Variants in TRAPPC3 observed in about 807,000 individuals in gnomAD.
TRAPPC3 encodes the protein trafficking protein particle complex 3.
Under a neutral mutation model 18.2 loss-of-function variants are expected in TRAPPC3, and 5 were observed. The ratio of observed to expected loss-of-function variants is 0.28; its 90% CI spans 0.14 to 0.58. TRAPPC3 has a LOEUF of 0.58. TRAPPC3 is among the 20% of genes least tolerant of loss of function. The probability of loss-of-function intolerance (pLI) is 0.91; values close to 1 mark genes in which losing one functional copy is unlikely to be tolerated. For synonymous variants in TRAPPC3, 65 were observed against 84.2 expected (o/e 0.77, Z 1.25); for missense variants, 176 against 225.9 (o/e 0.78, Z 1.41).
intron 1 of TRAPPC3, among the ~76,000 whole-genome samples, chr1:36,143,506 C>T (rs180906095): frequency 2.4e-4 from 37 of 152,204 alleles, no homozygotes; most frequent in African/African-American, 8.7e-4. Flanking sequence ...GTCTGAAGAC[C>T]TGGGTTTTCA....
chr1:36,142,725 T>A (rs1356103499), intron 1 of TRAPPC3, among the ~76,000 whole-genome samples: 2 of 152,188 alleles, frequency 1.3e-5, no homozygotes, highest in Non-Finnish European at 2.9e-5. Context: ...TAAAGGCCTT[T>A]ATGCTTTAAA....
chr1:36,137,325 G>A lies in TRAPPC3; in HGVS notation c.424-3C>T, dbSNP rs1391232007. The A allele has an allele frequency of 6.2e-7, 1 of 1,607,444 alleles. No individual in the cohort carries two copies. The highest frequency in any genetic ancestry group is 1.3e-5 in the African/African-American group (1 of 74,922). ...TTGGCCTCCACAGCCATCTGGACCT[G>A]GGGGACAGTGGGAAAACGAAGGGGT... On this transcript the variant is annotated splice_polypyrimidine_tract_variant and splice_region_variant and intron_variant, in intron 4 of 4. Transcript: ENST00000373166.
intron 1 of TRAPPC3, among the ~76,000 whole-genome samples, chr1:36,147,479 C>CAA (rs11355573): frequency 2.2e-5 from 3 of 137,732 alleles, no homozygotes; most frequent in Admixed American, 7.3e-5. Flanking sequence ...CCTAGCTCTA[C>CAA]AAAAAAAAAA....
At chr1:36,144,252 C>G (rs902095386) in intron 1 of TRAPPC3, among the ~76,000 whole-genome samples, 19 of 122,152 alleles carry the variant, frequency 1.6e-4, no homozygotes, top group African/African-American at 5.9e-4. Flanking sequence ...CATGCCACCG[C>G]ACTCCAGGCT....
chr1:36,152,295 C>CTTT (rs11364641), upstream of TRAPPC3, among the ~76,000 whole-genome samples: 5 of 135,590 alleles, frequency 3.7e-5, no homozygotes, highest in Non-Finnish European at 8.0e-5. Flanking sequence ...ATTTCTTTTT[C>CTTT]TTTTTTTTTT....
At chr1:36,153,385 C>A (rs1644285539), upstream of TRAPPC3, among the ~76,000 whole-genome samples, 1 of 152,146 alleles carries the variant, frequency 6.6e-6, no homozygotes, top group Admixed American at 6.5e-5. Flanking sequence ...GCTCTCCAGG[C>A]CCCTCCTCAG....
rs80301494 is a variant in TRAPPC3 at position 36,154,953 on chromosome 1, C to T, written c.-97+930G>A. 0.016 allele frequency among the ~76,000 whole-genome samples: 2,399 copies of T among 152,242 alleles called. 146 individuals carry two copies. The East Asian group carries it at 0.21, about 14-fold the overall frequency. On this transcript the variant is annotated intron_variant, in intron 1 of 4. Coordinates refer to the TRAPPC3 transcript ENST00000617904. ...TCCAAGCCCCCAGATACGCACACAT[C>T]CCAGGACAGGCTGCTCCCAGGTTGC...
intron 1 of TRAPPC3, chr1:36,149,038 G>A (rs1201122679): frequency 1.5e-6 from 2 of 1,310,220 alleles, no homozygotes; most frequent in African/African-American, 1.6e-5. Context: ...GCGTGGCCCG[G>A]TGCCCAACAC....
intron 1 of TRAPPC3, among the ~76,000 whole-genome samples, chr1:36,145,029 CT>C (rs377064791): frequency 4.7e-5 from 7 of 148,672 alleles, no homozygotes; most frequent in Non-Finnish European, 7.5e-5. Context: ...TCTTTTTTTT[CT>C]TTTTTTTTTG....
intron 1 of TRAPPC3, among the ~76,000 whole-genome samples, chr1:36,145,712 A>C (rs1392676812): frequency 1.3e-5 from 2 of 152,214 alleles, no homozygotes; most frequent in East Asian, 3.8e-4. Context: ...TGCTAGCTTT[A>C]CATGCATTCT....
At chr1:36,151,711 T>C (rs1435266050), upstream of TRAPPC3, among the ~76,000 whole-genome samples, 2 of 152,158 alleles carry the variant, frequency 1.3e-5, no homozygotes, top group Non-Finnish European at 2.9e-5. Flanking sequence ...TTACCACTTC[T>C]AGGTGCCAGG....
upstream of TRAPPC3, among the ~76,000 whole-genome samples, chr1:36,152,298 T>C (rs1403744568): frequency 1.4e-5 from 2 of 144,106 alleles, no homozygotes; most frequent in East Asian, 3.9e-4. Context: ...TCTTTTTCTT[T>C]TTTTTTTTTT....
upstream of TRAPPC3, among the ~76,000 whole-genome samples, chr1:36,151,461 C>G (rs1250319329): frequency 6.6e-6 from 1 of 152,106 alleles, no homozygotes; most frequent in African/African-American, 2.4e-5. Flanking sequence ...AAAACAACAA[C>G]CAGCTGAGCA....
Position 36,140,416 on chromosome 1 carries a change from C to G in TRAPPC3, c.43-250G>C, listed in dbSNP as rs1195797667. On this transcript the variant is annotated intron_variant, in intron 1 of 4. Transcript: ENST00000373166. ...ACTAAGCAATCACTCTTCCAACACA[C>G]CAAGGTAGGCTTCTGCCAACCCAAG... The G allele has an allele frequency of 1.8e-5, 6 of 342,312 alleles. No individual in the cohort carries two copies. The East Asian group carries it at 1.8e-4, about 10-fold the overall frequency. 21.2% of individuals were successfully genotyped at this position (342,312 alleles called of 1,614,324 possible).
chr1:36,150,782 G>C (rs775922217), upstream of TRAPPC3, among the ~76,000 whole-genome samples: 5 of 152,236 alleles, frequency 3.3e-5, no homozygotes, highest in Non-Finnish European at 7.3e-5. Context: ...CTCTGGGAAG[G>C]AACTTGAGGG....
rs142002490 is a variant in TRAPPC3, at chr1:36,138,335, G to A, written c.241-357C>T. On this transcript the variant is annotated intron_variant, in intron 3 of 4. Coordinates refer to ENST00000373166, the MANE Select transcript of TRAPPC3 (RefSeq NM_014408.5). ...GACACGGTGGCTGCCTGAGTGCAGA[G>A]GCCCTAACCCACTTCTCTGTCCTCT... The A allele has an allele frequency of 1.4e-5, 19 of 1,362,764 alleles. No homozygotes were observed. In the African/African-American group the frequency reaches 2.0e-4, roughly 14 times the overall value. 84.4% of individuals were successfully genotyped at this position (1,362,764 alleles called of 1,614,324 possible).
intron 4 of TRAPPC3, 108 bp downstream of exon 4, chr1:36,137,688 G>A: frequency 8.5e-7 from 1 of 1,183,422 alleles, no homozygotes; most frequent in South Asian, 1.5e-5. Flanking sequence ...AGGCAGTAAA[G>A]CGCTGGGGTG....
At chr1:36,146,487 G>A (rs190726627) in intron 1 of TRAPPC3, among the ~76,000 whole-genome samples, 3 of 150,180 alleles carry the variant, frequency 2.0e-5, no homozygotes, top group East Asian at 4.0e-4. Context: ...TAGTAGAGAC[G>A]GGGTTTCACC....
intron 1 of TRAPPC3, among the ~76,000 whole-genome samples, chr1:36,154,581 CAGATA>C (rs1557766427): frequency 6.6e-6 from 1 of 152,068 alleles, no homozygotes; most frequent in Non-Finnish European, 1.5e-5. Flanking sequence ...CCCCACCCTG[CAGATA>C]AGATGACTGA....
Sources: gnomAD v4.1 joint callset for allele counts (sites outside exome capture counted in the v4.1 genomes callset) on GRCh38, gnomAD v4.1.1 for gene constraint, MANE v1.5 for transcripts, NCBI Gene and HGNC (gene_info 2026-07-23, HGNC 2026-07-21) for gene names.